Variants in EPB41L4A observed in about 807,000 individuals in gnomAD.
The protein encoded by EPB41L4A is erythrocyte membrane protein band 4.1 like 4A, also known as band 4.1-like protein 4A.
A neutral mutation model predicts 108.6 loss-of-function variants in EPB41L4A; 100 were observed. The observed-to-expected ratio is 0.92, with a 90% CI of 0.78 to 1.09. The LOEUF (loss-of-function observed/expected upper bound fraction) is 1.09, where lower values mean the gene tolerates loss of function less well. Among genes scored for constraint, EPB41L4A ranks in the 50% least tolerant of loss-of-function variants. EPB41L4A has a pLI of 0.00. For missense variants in EPB41L4A, 1,030 were observed against 842.7 expected, an observed-to-expected ratio of 1.22 and a Z score of -2.75; for synonymous variants, 319 against 289.0, an observed-to-expected ratio of 1.10 and a Z score of -1.05.
At chr5:112,328,912 A>C (rs1045911361) in intron 1 of EPB41L4A, among the ~76,000 whole-genome samples, 1 of 152,258 alleles carries the variant, frequency 6.6e-6, no homozygotes. Context: ...TTCTTGCATC[A>C]TTCTTAAACC....
chr5:112,290,541 T>C (rs1032453662), intron 2 of EPB41L4A, among the ~76,000 whole-genome samples: 2 of 152,194 alleles, frequency 1.3e-5, no homozygotes, highest in African/African-American at 2.4e-5. Context: ...AATCAATCTG[T>C]GCTGCTTAAG....
At chr5:112,156,947 G>T (rs1332792518) in intron 12 of EPB41L4A, among the ~76,000 whole-genome samples, 2 of 152,092 alleles carry the variant, frequency 1.3e-5, no homozygotes, top group Non-Finnish European at 2.9e-5. Flanking sequence ...AAGAGAAAAG[G>T]GACAGTAATA....
intron 17 of EPB41L4A, among the ~76,000 whole-genome samples, chr5:112,194,079 T>C (rs1000192834): frequency 7.2e-5 from 11 of 152,356 alleles, no homozygotes; most frequent in African/African-American, 2.6e-4. Context: ...CTTAAAAATC[T>C]ATCTTACATA....
intron 1 of EPB41L4A, among the ~76,000 whole-genome samples, chr5:112,350,473 G>T (rs1040190620): frequency 2.0e-5 from 3 of 152,190 alleles, no homozygotes; most frequent in African/African-American, 7.2e-5. Context: ...TATCATTTCT[G>T]TTCTGAATAT....
chr5:112,182,870 C>T lies in EPB41L4A; in HGVS notation c.1622+1146G>A, dbSNP rs1017925448. ...ATTAACTTCAGCTTTAAATTGACTA[C>T]CAGTTTAATTAGGTTGCTAAAAAAA... On this transcript the variant is annotated intron_variant, in intron 18 of 22. Transcript: ENST00000261486. 6.6e-4 allele frequency among the ~76,000 whole-genome samples: 99 copies of T among 150,748 alleles called. 1 individual carries two copies. The highest frequency in any genetic ancestry group is 2.4e-3 in the African/African-American group (99 of 40,916).
intron 1 of EPB41L4A, among the ~76,000 whole-genome samples, chr5:112,380,792 TACACACACACACACACAC>T: frequency 7.1e-6 from 1 of 141,212 alleles, no homozygotes; most frequent in South Asian, 2.4e-4. Context: ...ATCACACACA[TACACACACACACACACAC>T]ACACACACAC....
At chr5:112,320,536 G>A (rs1171821124) in intron 1 of EPB41L4A, among the ~76,000 whole-genome samples, 4 of 152,278 alleles carry the variant, frequency 2.6e-5, no homozygotes, top group African/African-American at 9.6e-5. Context: ...ATTGGCTTAT[G>A]TCCTCCTGTT....
chr5:112,352,017 T>A (rs956488951), intron 1 of EPB41L4A, among the ~76,000 whole-genome samples: 22 of 152,226 alleles, frequency 1.4e-4, no homozygotes, highest in Non-Finnish European at 2.8e-4. Flanking sequence ...AACGGCCATG[T>A]ATGACAGACC....
At chr5:112,142,088 C>T (rs184211270), downstream of EPB41L4A, among the ~76,000 whole-genome samples, 1 of 152,226 alleles carries the variant, frequency 6.6e-6, no homozygotes, top group East Asian at 1.9e-4. Context: ...GTCTCTCTTC[C>T]CCATATTTTA....
chr5:112,287,083 G>A (rs1753334984), intron 2 of EPB41L4A, among the ~76,000 whole-genome samples: 1 of 152,118 alleles, frequency 6.6e-6, no homozygotes, highest in Non-Finnish European at 1.5e-5. Flanking sequence ...GGAAAGGCTG[G>A]ACTGCTTAAG....
intron 1 of EPB41L4A, among the ~76,000 whole-genome samples, chr5:112,322,859 G>T (rs1755895822): frequency 6.6e-6 from 1 of 151,898 alleles, no homozygotes; most frequent in African/African-American, 2.4e-5. Context: ...CCCATGTAAG[G>T]GGTCTCCGCA....
At chr5:112,351,219 T>C (rs1758022686) in intron 1 of EPB41L4A, among the ~76,000 whole-genome samples, 1 of 151,906 alleles carries the variant, frequency 6.6e-6, no homozygotes, top group Non-Finnish European at 1.5e-5. Context: ...GTAAACAAAA[T>C]CAATAAACTG....
intron 9 of EPB41L4A, among the ~76,000 whole-genome samples, chr5:112,254,893 C>G (rs1426262923): frequency 6.6e-6 from 1 of 152,084 alleles, no homozygotes; most frequent in Non-Finnish European, 1.5e-5. Flanking sequence ...TCAGTCTGTT[C>G]TCTCATATGT....
At chr5:112,162,448 A>G (rs1442616951), downstream of EPB41L4A, 1 of 152,220 alleles carries the variant, frequency 6.6e-6, no homozygotes, top group African/African-American at 2.4e-5. Context: ...TGTTTGGCCC[A>G]AAGAGAAATG....
chr5:112,254,619 C>T (rs972193516), intron 9 of EPB41L4A, among the ~76,000 whole-genome samples: 7 of 152,156 alleles, frequency 4.6e-5, no homozygotes, highest in African/African-American at 9.7e-5. Context: ...AGGCAGTGTG[C>T]TGGAACCACC....
chr5:112,247,901 C>T (rs1260233548), intron 9 of EPB41L4A, among the ~76,000 whole-genome samples: 2 of 152,182 alleles, frequency 1.3e-5, no homozygotes, highest in Non-Finnish European at 1.5e-5. Flanking sequence ...ACTTTTAATA[C>T]TTTTTTAAAA....
exon 14 of EPB41L4A, chr5:112,142,786 C>T (rs1415114787): frequency 6.6e-6 from 1 of 152,156 alleles, no homozygotes; most frequent in African/African-American, 2.4e-5. Context: ...CACATAATAC[C>T]TTTCATAATA....
At chr5:112,261,546 G>A (rs963357311) in intron 7 of EPB41L4A, among the ~76,000 whole-genome samples, 4 of 152,106 alleles carry the variant, frequency 2.6e-5, no homozygotes, top group African/African-American at 9.7e-5. Context: ...TAATCTCATT[G>A]ACATAGAATA....
intron 17 of EPB41L4A, among the ~76,000 whole-genome samples, chr5:112,193,171 C>A (rs577234183): frequency 6.6e-6 from 1 of 152,200 alleles, no homozygotes; most frequent in Non-Finnish European, 1.5e-5. Flanking sequence ...GCTGTCTGGG[C>A]TATTATTACA....
Sources: allele counts gnomAD v4.1 joint callset (sites outside exome capture counted in the v4.1 genomes callset), GRCh38; gene constraint gnomAD v4.1.1; transcripts MANE v1.5; gene names NCBI Gene and HGNC (gene_info 2026-07-23, HGNC 2026-07-21).